The following MND1 variants were observed in gnomAD, a reference collection of about 807,000 sequenced individuals.
MND1 encodes the protein meiotic nuclear division protein 1 homolog.
Under a neutral mutation model 35.1 loss-of-function variants are expected in MND1, and 28 were observed. That is an observed-to-expected ratio of 0.80 (90% confidence interval 0.59 to 1.09). The LOEUF is 1.09. MND1 is among the 50% of genes least tolerant of loss of function. The pLI, the probability that MND1 is intolerant of heterozygous loss-of-function variation, is 0.00. For missense variants in MND1, 213 were observed against 239.6 expected (o/e 0.89, Z 0.73); for synonymous variants, 69 against 70.5 (o/e 0.98, Z 0.11).
intron 4 of MND1, among the ~76,000 whole-genome samples, chr4:153,366,545 A>C (rs1773641435): frequency 6.6e-6 from 1 of 152,236 alleles, no homozygotes; most frequent in South Asian, 2.1e-4. Flanking sequence ...GTTCAGAGAC[A>C]AGTCTTTATA....
intron 7 of MND1, 129 bp downstream of exon 7, chr4:153,409,144 A>C: frequency 2.9e-6 from 1 of 340,122 alleles, no homozygotes; most frequent in Non-Finnish European, 5.4e-6. Flanking sequence ...TGCATTACTC[A>C]AATGTTTACA....
chr4:153,394,759 A>G (rs915509563), intron 5 of MND1, among the ~76,000 whole-genome samples: 1 of 152,146 alleles, frequency 6.6e-6, no homozygotes. Context: ...TTTAAAAAAA[A>G]TTTTTGCATA....
intron 4 of MND1, among the ~76,000 whole-genome samples, chr4:153,372,958 T>G (rs937384333): frequency 2.6e-5 from 4 of 152,198 alleles, no homozygotes; most frequent in Admixed American, 1.3e-4. Flanking sequence ...CAGGTAATAT[T>G]CTTTGTTCTG....
At chr4:153,369,526 A>G (rs1376132330) in intron 4 of MND1, among the ~76,000 whole-genome samples, 1 of 152,238 alleles carries the variant, frequency 6.6e-6, no homozygotes, top group South Asian at 2.1e-4. Flanking sequence ...ACTGTAATCT[A>G]TTAAATATGT....
intron 4 of MND1, among the ~76,000 whole-genome samples, chr4:153,365,098 C>T (rs1000699564): frequency 1.9e-5 from 2 of 104,272 alleles, no homozygotes; most frequent in African/African-American, 1.2e-4. Context: ...ATGTTGTTGC[C>T]ACCAAAAAAA....
intron 4 of MND1, among the ~76,000 whole-genome samples, chr4:153,393,368 C>CTTTTTTTT (rs60689772): frequency 2.4e-5 from 3 of 125,334 alleles, no homozygotes; most frequent in Non-Finnish European, 3.4e-5. Context: ...CAATTTCTTT[C>CTTTTTTTT]TTTTTTTTTT....
chr4:153,402,648 C>T (rs2149656897), intron 6 of MND1, among the ~76,000 whole-genome samples: 1 of 152,252 alleles, frequency 6.6e-6, no homozygotes. Flanking sequence ...AGCCTTGATC[C>T]CAAAGAATTG....
chr4:153,351,000 G>A (rs1284872256), intron 2 of MND1, among the ~76,000 whole-genome samples: 1 of 147,822 alleles, frequency 6.8e-6, no homozygotes, highest in East Asian at 2.0e-4. Flanking sequence ...TGCCCACTAA[G>A]TATAATCTTA....
At chr4:153,363,413 C>T (rs188101853) in intron 4 of MND1, among the ~76,000 whole-genome samples, 1 of 152,148 alleles carries the variant, frequency 6.6e-6, no homozygotes, top group African/African-American at 2.4e-5. Context: ...GGTTTTGCCG[C>T]TTTAGCCAGG....
chr4:153,405,984 T>C (rs1234031487), intron 6 of MND1, among the ~76,000 whole-genome samples: 1 of 151,888 alleles, frequency 6.6e-6, no homozygotes, highest in African/African-American at 2.4e-5. Context: ...TTTACATTTT[T>C]AGTAGAGAGG....
intron 4 of MND1, among the ~76,000 whole-genome samples, chr4:153,392,162 C>T (rs1451889770): frequency 6.6e-5 from 10 of 151,360 alleles, no homozygotes; most frequent in Admixed American, 1.3e-4. Context: ...AGTGCAGTGG[C>T]GCGATCTCGG....
At chr4:153,370,056 C>T (rs1045157259) in intron 4 of MND1, among the ~76,000 whole-genome samples, 3 of 151,856 alleles carry the variant, frequency 2.0e-5, no homozygotes, top group Admixed American at 6.6e-5. Context: ...CTGAGGCAGG[C>T]GGATCACTTG....
chr4:153,391,747 C>CACACACACACACACACACACAT (rs1440447136), intron 4 of MND1, among the ~76,000 whole-genome samples: 2 of 151,708 alleles, frequency 1.3e-5, no homozygotes, highest in African/African-American at 4.8e-5. Flanking sequence ...CACACACACA[C>CACACACACACACACACACACAT]ACATACATAC....
intron 6 of MND1, among the ~76,000 whole-genome samples, chr4:153,397,650 C>G (rs940876290): frequency 1.5e-5 from 2 of 136,060 alleles, no homozygotes; most frequent in Non-Finnish European, 3.2e-5. Flanking sequence ...AATCCCATCT[C>G]TACAAAAAAA....
Position 153,357,081 on chromosome 4 carries a change from C to G in MND1, c.127+1370C>G, listed in dbSNP as rs371947043. Among the ~76,000 whole-genome samples the G allele has an allele frequency of 1.7e-4, 26 of 152,250 alleles. 1 individual carries two copies. Among genetic ancestry groups the G allele is most frequent in the African/African-American group, 6.3e-4 (26 of 41,544 alleles). On this transcript the variant is annotated intron_variant, in intron 3 of 7. Coordinates refer to ENST00000240488, the MANE Select transcript of MND1 (RefSeq NM_032117.4). ...CAAGTGATCTACCTGCCTTGGCCTCCCAAAGTGCTGGGATTACAGGCATGA... is the reference window on the plus strand; with the variant it reads ...CAAGTGATCTACCTGCCTTGGCCTCGCAAAGTGCTGGGATTACAGGCATGA...
intron 4 of MND1, among the ~76,000 whole-genome samples, chr4:153,359,850 C>T (rs186417997): frequency 1.0e-4 from 14 of 137,562 alleles, no homozygotes; most frequent in African/African-American, 2.8e-4. Context: ...TGCAATGGTG[C>T]GATCTCAGCT....
intron 7 of MND1, among the ~76,000 whole-genome samples, chr4:153,413,311 C>A (rs2149661900): frequency 6.6e-6 from 1 of 152,192 alleles, no homozygotes; most frequent in Admixed American, 6.5e-5. Flanking sequence ...AAATCTTATA[C>A]CATTATTTTT....
At chr4:153,375,803 A>C (rs952373450) in intron 4 of MND1, among the ~76,000 whole-genome samples, 2 of 152,186 alleles carry the variant, frequency 1.3e-5, no homozygotes, top group Middle Eastern at 6.3e-3. Flanking sequence ...TATGTGGTTG[A>C]ATTTTGCTGA....
At chr4:153,401,673 G>T (rs556504246) in intron 6 of MND1, among the ~76,000 whole-genome samples, 1 of 152,212 alleles carries the variant, frequency 6.6e-6, no homozygotes, top group East Asian at 1.9e-4. Context: ...ATTTTAATAG[G>T]ATTTGGTTCT....
Sources: allele counts gnomAD v4.1 joint callset (sites outside exome capture counted in the v4.1 genomes callset), GRCh38; gene constraint gnomAD v4.1.1; transcripts MANE v1.5; gene names NCBI Gene and HGNC (gene_info 2026-07-23, HGNC 2026-07-21).